The following ANKIB1 variants were observed in gnomAD, a reference collection of about 807,000 sequenced individuals.
ANKIB1 encodes the protein ankyrin repeat and IBR domain-containing protein 1.
A neutral mutation model predicts 122.1 loss-of-function variants in ANKIB1; 43 were observed. The observed-to-expected ratio is 0.35, with a 90% CI of 0.28 to 0.45. The LOEUF is 0.45. Among genes scored for constraint, ANKIB1 ranks in the 20% least tolerant of loss-of-function variants. The probability of loss-of-function intolerance (pLI) is 1.00; values close to 1 mark genes in which losing one functional copy is unlikely to be tolerated. For missense variants in ANKIB1, 992 were observed against 1,329.5 expected, an observed-to-expected ratio of 0.75 and a Z score of 3.95; for synonymous variants, 390 against 442.0, an observed-to-expected ratio of 0.88 and a Z score of 1.48.
At chr7:92,365,482 T>C (rs1406955040) in intron 10 of ANKIB1, among the ~76,000 whole-genome samples, 1 of 152,182 alleles carries the variant, frequency 6.6e-6, no homozygotes, top group Non-Finnish European at 1.5e-5. Context: ...CATTGAGAGA[T>C]GAGACTGTGC....
At chr7:92,292,447 T>TA (rs1324181341) in intron 1 of ANKIB1, among the ~76,000 whole-genome samples, 6 of 152,216 alleles carry the variant, frequency 3.9e-5, no homozygotes, top group African/African-American at 1.4e-4. Flanking sequence ...TTCTTTTTTT[T>TA]ACTTCTTAGA....
At chr7:92,299,802 A>G (rs1220102115) in intron 2 of ANKIB1, among the ~76,000 whole-genome samples, 1 of 151,730 alleles carries the variant, frequency 6.6e-6, no homozygotes, top group Non-Finnish European at 1.5e-5. Flanking sequence ...TTAGGAACCT[A>G]CAGTAATTTT....
At chr7:92,316,267 A>G (rs1441650671) in intron 3 of ANKIB1, among the ~76,000 whole-genome samples, 2 of 152,214 alleles carry the variant, frequency 1.3e-5, no homozygotes, top group Non-Finnish European at 2.9e-5. Context: ...AGTACTCTTC[A>G]GAACCAGACA....
At chr7:92,304,874 T>C (rs1250138485) in intron 2 of ANKIB1, among the ~76,000 whole-genome samples, 2 of 152,190 alleles carry the variant, frequency 1.3e-5, no homozygotes, top group Admixed American at 6.5e-5. Flanking sequence ...AAATTACCCA[T>C]ATTCTTGCCT....
chr7:92,313,321 A>C (rs1204276306), intron 3 of ANKIB1, among the ~76,000 whole-genome samples: 2 of 152,196 alleles, frequency 1.3e-5, no homozygotes, highest in East Asian at 3.8e-4. Context: ...TTCACACTTC[A>C]TTGAAAAGTC....
intron 10 of ANKIB1, 30 bp downstream of exon 10, chr7:92,362,303 A>G (rs1803969085): frequency 3.9e-6 from 6 of 1,527,628 alleles, no homozygotes; most frequent in African/African-American, 1.4e-5. Context: ...GCTTTGCTGC[A>G]TATTTCCTGA....
intron 17 of ANKIB1, among the ~76,000 whole-genome samples, chr7:92,394,350 A>G (rs144497538): frequency 1.3e-5 from 2 of 152,318 alleles, no homozygotes; most frequent in East Asian, 1.9e-4. Context: ...CCCTTTTCAT[A>G]TACATTCTTG....
At chr7:92,287,908 C>T (rs565184113) in intron 1 of ANKIB1, among the ~76,000 whole-genome samples, 310 of 151,948 alleles carry the variant, frequency 2.0e-3, no homozygotes, top group African/African-American at 6.9e-3. Context: ...TGGCGGCGTG[C>T]GCCTGTAGTC....
chr7:92,391,442 A>AT, intron 16 of ANKIB1, 98 bp downstream of exon 16: 1 of 1,099,762 alleles, frequency 9.1e-7, no homozygotes. Context: ...CCTGGAAATT[A>AT]TTTACACCTA....
rs528800997 is a variant in ANKIB1 at position 92,398,331 on chromosome 7, C to T, written c.2652C>T (p.Ser884=). The T allele has an allele frequency of 3.7e-6, 6 of 1,613,590 alleles. No homozygotes were observed. The African/African-American group carries it at 8.0e-5, about 22-fold the overall frequency. Residue 884 remains serine (S), a synonymous_variant, in exon 20 of 20, where the codon TCC becomes TCT. Transcript: ENST00000265742. ...GAGACTTCCTCAGTAATGAAGCATC[C>T]TTAGGTGCGATAGGCACTTCTTTAC... is the stretch of plus-strand genomic sequence containing the variant. The part of the protein sequence containing the change: ...ETRDFLSNEA[S]LGAIGTSLPS...
chr7:92,385,440 A>G (rs922938383), intron 11 of ANKIB1, among the ~76,000 whole-genome samples: 16 of 152,244 alleles, frequency 1.1e-4, no homozygotes, highest in Non-Finnish European at 1.5e-4. Flanking sequence ...ATATATGTTT[A>G]TTGCAGCACT....
chr7:92,318,640 A>C (rs1304969687), intron 3 of ANKIB1, among the ~76,000 whole-genome samples: 2 of 152,180 alleles, frequency 1.3e-5, no homozygotes, highest in Non-Finnish European at 2.9e-5. Flanking sequence ...TACAGTCCTT[A>C]ATAACAACAT....
chr7:92,342,220 C>T (rs1013833066), intron 5 of ANKIB1, among the ~76,000 whole-genome samples: 61 of 152,164 alleles, frequency 4.0e-4, no homozygotes, highest in African/African-American at 1.4e-3. Context: ...TTTCAAATCT[C>T]TGTGTGAGCT....
At chr7:92,274,807 T>C (rs77199509) in intron 1 of ANKIB1, among the ~76,000 whole-genome samples, 3 of 152,092 alleles carry the variant, frequency 2.0e-5, no homozygotes, top group Non-Finnish European at 4.4e-5. Flanking sequence ...AAATTTTTTT[T>C]AATTATCTAC....
intron 1 of ANKIB1, among the ~76,000 whole-genome samples, chr7:92,258,943 T>TTTTTGTTTTG (rs367915303): frequency 9.9e-5 from 15 of 152,176 alleles, no homozygotes; most frequent in African/African-American, 3.6e-4. Context: ...TTTGGAGTTT[T>TTTTTGTTTTG]TTTTGTTTTG....
At chr7:92,261,348 CAAAAAAAA>C (rs765326035) in intron 1 of ANKIB1, among the ~76,000 whole-genome samples, 14 of 63,740 alleles carry the variant, frequency 2.2e-4, no homozygotes, top group African/African-American at 7.8e-4. Flanking sequence ...GACTCCGTCT[CAAAAAAAA>C]AAAAAAAAAA....
At chr7:92,327,963 T>A in intron 5 of ANKIB1, 63 bp downstream of exon 5, 1 of 1,064,488 alleles carries the variant, frequency 9.4e-7, no homozygotes, top group East Asian at 2.6e-5. Context: ...TCTGAGTTTT[T>A]AAAAGGGCTA....
At position 92,307,485 on chromosome 7, in the gene ANKIB1, C is replaced by T; in HGVS notation, c.315C>T (p.Arg105=). The change falls in exon 3 of 20, where the codon CGC becomes CGT. Residue 105 remains arginine, a synonymous_variant. Coordinates refer to ENST00000265742, the MANE Select transcript of ANKIB1 (RefSeq NM_019004.2). ...GAGCCCTTCATCCTCGCTTGGCACGCCCCACAGAAGATGATTTCAGAAGAG... is the reference window on the plus strand; with the variant it reads ...GAGCCCTTCATCCTCGCTTGGCACGTCCCACAGAAGATGATTTCAGAAGAG... ...SEGALHPRLA[R]PTEDDFRRAD... 6.2e-7 allele frequency: 1 copy of T among 1,613,862 alleles called. No homozygotes were observed. Among genetic ancestry groups the T allele is most frequent in the Non-Finnish European group, 8.5e-7 (1 of 1,179,866 alleles).
intron 1 of ANKIB1, among the ~76,000 whole-genome samples, chr7:92,271,091 T>G (rs1801781373): frequency 6.6e-6 from 1 of 152,168 alleles, no homozygotes; most frequent in African/African-American, 2.4e-5. Context: ...TAGTTTTAAG[T>G]CTTGCTTTTC....
Sources: gnomAD v4.1 joint callset for allele counts (sites outside exome capture counted in the v4.1 genomes callset) on GRCh38, gnomAD v4.1.1 for gene constraint, MANE v1.5 for transcripts, NCBI Gene and HGNC (gene_info 2026-07-23, HGNC 2026-07-21) for gene names.